GOLIM4: variants seen among roughly 807,000 people sequenced by gnomAD.
GOLIM4 encodes golgi integral membrane protein 4, also known as 130 kDa golgi-localized phosphoprotein.
In GOLIM4, 71 loss-of-function variants were observed where a neutral mutation model predicts 107.4. The observed-to-expected ratio is 0.66, with a 90% CI of 0.55 to 0.81. GOLIM4 has a LOEUF of 0.81. Among genes scored for constraint, GOLIM4 ranks in the 30% least tolerant of loss-of-function variants. The probability of loss-of-function intolerance (pLI) is 0.00; values close to 1 mark genes in which losing one functional copy is unlikely to be tolerated. For synonymous variants in GOLIM4, 327 were observed against 294.8 expected, an observed-to-expected ratio of 1.11 and a Z score of -1.12; for missense variants, 830 against 826.1, an observed-to-expected ratio of 1.00 and a Z score of -0.06.
rs1281512540 is a variant in GOLIM4 at position 168,009,569 on chromosome 3, A to G, written c.*700T>C. On this transcript the variant is annotated 3_prime_UTR_variant, in exon 16 of 16. Coordinates refer to ENST00000470487, the MANE Select transcript of GOLIM4 (RefSeq NM_014498.5). ...GTCCATACCTTGTTTGAACACTGCAATACCTGATTAAGACCAGGATACTGC... is the reference window on the plus strand; with the variant it reads ...GTCCATACCTTGTTTGAACACTGCAGTACCTGATTAAGACCAGGATACTGC... 1 of 152,182 alleles carries G rather than the reference A, an allele frequency of 6.6e-6. No individual in the cohort carries two copies. Among genetic ancestry groups the G allele is most frequent in the Non-Finnish European group, 1.5e-5 (1 of 68,044 alleles). 9.4% of individuals were successfully genotyped at this position (152,182 alleles called of 1,614,324 possible).
At chr3:168,035,512 C>T (rs547097987) in intron 8 of GOLIM4, among the ~76,000 whole-genome samples, 1 of 152,240 alleles carries the variant, frequency 6.6e-6, no homozygotes, top group African/African-American at 2.4e-5. Context: ...ATGGATGGAG[C>T]TGGGGGCCAT....
At position 168,062,702 on chromosome 3, in the gene GOLIM4, C is replaced by T. The variant is rs185062831; in HGVS notation, c.188-14337G>A. Reference sequence around the variant, plus strand: ...CCCTCTTCTCTGAGGAGTAATTTTGCAGGAAAAGGGGAACCTCACCTCATA... The same window carrying T: ...CCCTCTTCTCTGAGGAGTAATTTTGTAGGAAAAGGGGAACCTCACCTCATA... On this transcript the variant is annotated intron_variant, in intron 1 of 15. Transcript: ENST00000470487. Among the ~76,000 whole-genome samples, 420 of 152,208 alleles carry T rather than the reference C, an allele frequency of 2.8e-3. 2 individuals are homozygous for T. The highest frequency in any genetic ancestry group is 4.1e-3 in the Non-Finnish European group (278 of 68,014).
chr3:168,061,568 C>T (rs1467951759), intron 1 of GOLIM4, among the ~76,000 whole-genome samples: 2 of 152,206 alleles, frequency 1.3e-5, no homozygotes, highest in Non-Finnish European at 2.9e-5. Context: ...CCACATCTAT[C>T]ATAGTAGAAC....
chr3:168,085,752 C>T (rs546174365), intron 1 of GOLIM4, among the ~76,000 whole-genome samples: 1 of 152,294 alleles, frequency 6.6e-6, no homozygotes. Flanking sequence ...TTGAGACCTA[C>T]TACAGGAGCA....
chr3:168,064,111 C>A (rs1040567168), intron 1 of GOLIM4, among the ~76,000 whole-genome samples: 1 of 152,168 alleles, frequency 6.6e-6, no homozygotes, highest in African/African-American at 2.4e-5. Flanking sequence ...CAGGAGGCTT[C>A]CCCAGGCAGT....
At chr3:168,031,320 G>C (rs1718325880) in intron 9 of GOLIM4, among the ~76,000 whole-genome samples, 1 of 152,188 alleles carries the variant, frequency 6.6e-6, no homozygotes. Flanking sequence ...AAAACAGCTA[G>C]AAGAATTTGA....
intron 1 of GOLIM4, among the ~76,000 whole-genome samples, chr3:168,093,100 A>G (rs1488544085): frequency 6.6e-6 from 1 of 152,254 alleles, no homozygotes; most frequent in Non-Finnish European, 1.5e-5. Flanking sequence ...CACTAAAAAA[A>G]GAAAAGGCAA....
At chr3:168,059,420 C>T (rs1460579495) in intron 1 of GOLIM4, among the ~76,000 whole-genome samples, 4 of 152,116 alleles carry the variant, frequency 2.6e-5, no homozygotes, top group African/African-American at 9.7e-5. Flanking sequence ...AAATATGCAA[C>T]ATATCTTGGA....
intron 6 of GOLIM4, 44 bp from the exon 7 acceptor site, chr3:168,040,913 G>C: frequency 7.9e-7 from 1 of 1,272,520 alleles, no homozygotes; most frequent in Non-Finnish European, 1.1e-6. Context: ...AACATTCTAC[G>C]ACAAATTCTT....
intron 14 of GOLIM4, among the ~76,000 whole-genome samples, chr3:168,015,492 T>A (rs1441982825): frequency 1.5e-5 from 2 of 136,858 alleles, no homozygotes; most frequent in South Asian, 4.2e-4. Flanking sequence ...TTCAATGCCA[T>A]CCCCATCAAG....
At position 168,063,385 on chromosome 3, in the gene GOLIM4, T is replaced by A. The variant is rs188154098; in HGVS notation, c.188-15020A>T. ...GATGAAAGTGAAAGTATACTTTTTTTAAGATTTTATTTTTTTAATAGCACT... is the reference window on the plus strand; with the variant it reads ...GATGAAAGTGAAAGTATACTTTTTTAAAGATTTTATTTTTTTAATAGCACT... On this transcript the variant is annotated intron_variant, in intron 1 of 15. Transcript: ENST00000470487. Among the ~76,000 whole-genome samples the A allele has an allele frequency of 9.6e-3, 1,455 of 152,344 alleles. 8 individuals are homozygous for A. The highest frequency in any genetic ancestry group is 0.017 in the Non-Finnish European group (1,155 of 68,040).
intron 1 of GOLIM4, among the ~76,000 whole-genome samples, chr3:168,060,125 G>A (rs1002779988): frequency 4.0e-5 from 6 of 151,386 alleles, no homozygotes; most frequent in Non-Finnish European, 7.4e-5. Context: ...CTTAGAGATG[G>A]GGTCTCACTA....
Position 168,009,475 on chromosome 3 carries a change from A to T in GOLIM4, c.*794T>A, listed in dbSNP as rs1337568615. The T allele has an allele frequency of 7.1e-6, 1 of 141,082 alleles. No homozygotes were observed. Among genetic ancestry groups the T allele is most frequent in the African/African-American group, 2.5e-5 (1 of 40,312 alleles). 8.7% of individuals were successfully genotyped at this position (141,082 alleles called of 1,614,324 possible). ...TGAGAATGGGTGCTCGCATAGAAAC[A>T]CCACACGCAAACACTCATTAGTTTT... is the stretch of plus-strand genomic sequence containing the variant. On this transcript the variant is annotated 3_prime_UTR_variant, in exon 16 of 16. Coordinates refer to ENST00000470487, the MANE Select transcript of GOLIM4 (RefSeq NM_014498.5).
chr3:168,032,904 G>C (rs893544572), intron 8 of GOLIM4, 52 bp from the exon 9 acceptor site: 1 of 1,371,574 alleles, frequency 7.3e-7, no homozygotes, highest in Non-Finnish European at 1.0e-6. Context: ...CAAAAGTAAT[G>C]ATGTAATTTC....
chr3:168,036,946 G>T lies in GOLIM4; in HGVS notation c.733C>A (p.Pro245Thr). ...GCTGGATCAGGTTTTCGAAGGCTTG[G>T]AATCCTATTCAGAGTATCTTTCAGT... ...KQLKDTLNRIPSLRKPDPAEQ... is the reference protein window; with the variant it reads ...KQLKDTLNRITSLRKPDPAEQ... Residue 245 changes from proline (P) to threonine (T), a missense_variant, in exon 8 of 16, where the codon CCA (proline) becomes ACA (threonine). By Grantham distance (38) the Pro-to-Thr change is conservative. Transcript: ENST00000470487. 1.2e-6 allele frequency: 2 copies of T among 1,613,524 alleles called. No homozygotes were observed. The highest frequency in any genetic ancestry group is 1.7e-6 in the Non-Finnish European group (2 of 1,179,474).
intron 1 of GOLIM4, among the ~76,000 whole-genome samples, chr3:168,050,835 A>G (rs1446419015): frequency 2.1e-5 from 2 of 96,658 alleles, no homozygotes; most frequent in Admixed American, 9.6e-5. Flanking sequence ...AATAATAATA[A>G]TAATAATAAT....
At chr3:168,060,100 G>GTTTTTTTTTTTTTTTTTTTTTT in intron 1 of GOLIM4, among the ~76,000 whole-genome samples, 1 of 145,672 alleles carries the variant, frequency 6.9e-6, no homozygotes, top group African/African-American at 2.5e-5. Context: ...CCATTAGAGA[G>GTTTTTTTTTTTTTTTTTTTTTT]TTTTTTTTTT....
chr3:168,054,414 GC>G (rs1719825949), intron 1 of GOLIM4, among the ~76,000 whole-genome samples: 1 of 152,080 alleles, frequency 6.6e-6, no homozygotes, highest in African/African-American at 2.4e-5. Flanking sequence ...CTTTCCTTGA[GC>G]CTCACTGCTC....
At chr3:168,013,878 G>A (rs868152092) in intron 14 of GOLIM4, among the ~76,000 whole-genome samples, 1,953 of 150,976 alleles carry the variant, frequency 0.013, 9 homozygotes, top group Middle Eastern at 0.027. Context: ...TCTCTGGGAC[G>A]CATTCAAAGC....
Sources: allele counts gnomAD v4.1 joint callset (sites outside exome capture counted in the v4.1 genomes callset), GRCh38; gene constraint gnomAD v4.1.1; transcripts MANE v1.5; gene names NCBI Gene and HGNC (gene_info 2026-07-23, HGNC 2026-07-21).